Variants in RBFOX1 observed in about 807,000 individuals in gnomAD.
RBFOX1 encodes RNA binding protein fox-1 homolog 1.
A neutral mutation model predicts 57.7 loss-of-function variants in RBFOX1; 8 were observed. That is an observed-to-expected ratio of 0.14 (90% CI 0.08 to 0.25). The LOEUF is 0.25. Ranked by LOEUF, RBFOX1 falls within the 10% of genes least tolerant of loss-of-function variation. The pLI, the probability that RBFOX1 is intolerant of heterozygous loss-of-function variation, is 1.00. For missense variants in RBFOX1, 611 were observed against 548.5 expected, an observed-to-expected ratio of 1.11 and a Z score of -1.14; for synonymous variants, 326 against 222.4, an observed-to-expected ratio of 1.47 and a Z score of -4.15.
intron 3 of RBFOX1, among the ~76,000 whole-genome samples, chr16:6,894,897 G>A (rs2066385034): frequency 6.6e-6 from 1 of 152,046 alleles, no homozygotes; most frequent in African/African-American, 2.4e-5. Flanking sequence ...GTAGCATGTG[G>A]CTTTCTCAGC....
At chr16:6,665,640 G>A (rs7205724) in intron 3 of RBFOX1, among the ~76,000 whole-genome samples, 26,629 of 68,322 alleles carry the variant, frequency 0.39, 3,368 homozygotes, top group African/African-American at 0.55. Context: ...AAAAAAAAAA[G>A]AAGAAGGAGG....
At chr16:6,404,400 T>G (rs561156552) in intron 2 of RBFOX1, among the ~76,000 whole-genome samples, 1 of 152,254 alleles carries the variant, frequency 6.6e-6, no homozygotes, top group Non-Finnish European at 1.5e-5. Context: ...GAGGGACCAC[T>G]GTAGTATTTG....
intron 1 of RBFOX1, among the ~76,000 whole-genome samples, chr16:5,464,416 G>C (rs543833576): frequency 7.2e-5 from 11 of 152,356 alleles, no homozygotes; most frequent in Non-Finnish European, 1.3e-4. Flanking sequence ...AAAGATGTCA[G>C]AGAGGGGACA....
intron 5 of RBFOX1, among the ~76,000 whole-genome samples, chr16:7,556,956 CCT>C (rs1170594128): frequency 6.6e-6 from 1 of 152,126 alleles, no homozygotes; most frequent in African/African-American, 2.4e-5. Flanking sequence ...CTCCCAAATG[CCT>C]CTGTTAACAA....
intron 4 of RBFOX1, among the ~76,000 whole-genome samples, chr16:7,351,614 T>A (rs764147675): frequency 6.6e-6 from 1 of 152,220 alleles, no homozygotes; most frequent in Non-Finnish European, 1.5e-5. Flanking sequence ...TGAGCTCACA[T>A]CCTTTATTGT....
At chr16:5,927,094 A>C (rs1263057308) in intron 4 of RBFOX1, among the ~76,000 whole-genome samples, 1 of 152,198 alleles carries the variant, frequency 6.6e-6, no homozygotes, top group Non-Finnish European at 1.5e-5. Context: ...TCTGTGATTC[A>C]TTTAATGTTT....
chr16:5,461,180 T>C (rs2068776146), intron 1 of RBFOX1, among the ~76,000 whole-genome samples: 1 of 152,170 alleles, frequency 6.6e-6, no homozygotes, highest in African/African-American at 2.4e-5. Flanking sequence ...GTCTTGCTGT[T>C]TGCAAGGTTA....
At chr16:7,245,166 C>G (rs11077163) in intron 4 of RBFOX1, among the ~76,000 whole-genome samples, 4 of 152,028 alleles carry the variant, frequency 2.6e-5, no homozygotes, top group Admixed American at 6.6e-5. Context: ...AGTGGTCTTA[C>G]ATGTCTCTCT....
intron 4 of RBFOX1, among the ~76,000 whole-genome samples, chr16:5,893,272 G>A (rs1307082702): frequency 2.6e-5 from 4 of 152,176 alleles, no homozygotes; most frequent in East Asian, 1.9e-4. Flanking sequence ...AAGTAAATAC[G>A]TGGCAGCCTT....
chr16:5,388,235 G>A lies in RBFOX1; in HGVS notation c.220-78981G>A, dbSNP rs560385071. ...TTGGTAGAGGCAGCCAGGGGTCTCT[G>A]CCTCACCGTGCTTCTAGAACACATC... On this transcript the variant is annotated intron_variant, in intron 1 of 2. Transcript: ENST00000585867. Among the ~76,000 whole-genome samples, 16 of 152,284 alleles carry A rather than the reference G, an allele frequency of 1.1e-4. No individual in the cohort carries two copies. In the East Asian group the frequency reaches 2.3e-3, roughly 22 times the overall value.
intron 3 of RBFOX1, among the ~76,000 whole-genome samples, chr16:6,674,599 G>A (rs1226779343): frequency 1.4e-4 from 21 of 152,144 alleles, no homozygotes; most frequent in Non-Finnish European, 2.9e-5. Flanking sequence ...TGGAATTACA[G>A]GCGTGAGCCA....
chr16:7,116,416 G>T (rs2065912473), intron 4 of RBFOX1, among the ~76,000 whole-genome samples: 1 of 152,080 alleles, frequency 6.6e-6, no homozygotes, highest in South Asian at 2.1e-4. Context: ...CAGCAATATT[G>T]CAGTGAAATG....
intron 4 of RBFOX1, among the ~76,000 whole-genome samples, chr16:7,089,634 C>T (rs377173326): frequency 6.6e-6 from 1 of 152,116 alleles, no homozygotes; most frequent in African/African-American, 2.4e-5. Context: ...TTTGTTAGCT[C>T]TTACATATGT....
At chr16:7,061,074 C>T (rs1327849195) in intron 4 of RBFOX1, among the ~76,000 whole-genome samples, 1 of 151,632 alleles carries the variant, frequency 6.6e-6, no homozygotes, top group South Asian at 2.1e-4. Context: ...AAAAAACTGG[C>T]AGAAGTTTGC....
intron 2 of RBFOX1, among the ~76,000 whole-genome samples, chr16:6,556,765 A>G (rs2097103558): frequency 6.6e-6 from 1 of 152,068 alleles, no homozygotes; most frequent in Non-Finnish European, 1.5e-5. Context: ...AAATAAATTA[A>G]TAGTAAATTT....
chr16:7,424,528 G>A (rs1477131752), intron 4 of RBFOX1, among the ~76,000 whole-genome samples: 4 of 152,112 alleles, frequency 2.6e-5, no homozygotes, highest in African/African-American at 2.4e-5. Context: ...CAAAAGTGCC[G>A]GGATTACAGG....
rs142394986 is a variant in RBFOX1 at position 6,145,243 on chromosome 16, A to C, written c.-127+125251A>C. ...GTTGTTCCCCTCTATGTGTCCATGC[A>C]TTCTCATCATTTAGCTCCCACTTAT... On this transcript the variant is annotated intron_variant, in intron 1 of 15. Coordinates refer to ENST00000550418, the MANE Select transcript of RBFOX1 (RefSeq NM_018723.4). 9.0e-3 allele frequency among the ~76,000 whole-genome samples: 1,371 copies of C among 152,030 alleles called. 13 individuals carry two copies. Among genetic ancestry groups the C allele is most frequent in the Non-Finnish European group, 0.015 (1,028 of 67,982 alleles).
intron 1 of RBFOX1, among the ~76,000 whole-genome samples, chr16:6,181,287 C>G (rs745928411): frequency 6.6e-6 from 1 of 152,224 alleles, no homozygotes; most frequent in Non-Finnish European, 1.5e-5. Context: ...ATAGCCTACT[C>G]TACCCAGGCA....
intron 1 of RBFOX1, among the ~76,000 whole-genome samples, chr16:6,043,713 C>T (rs892351119): frequency 6.6e-6 from 1 of 152,136 alleles, no homozygotes; most frequent in African/African-American, 2.4e-5. Context: ...CTGCTCTTTT[C>T]CCAGGAAGCC....
Sources: gnomAD v4.1 joint callset for allele counts (sites outside exome capture counted in the v4.1 genomes callset) on GRCh38, gnomAD v4.1.1 for gene constraint, MANE v1.5 for transcripts, NCBI Gene and HGNC (gene_info 2026-07-23, HGNC 2026-07-21) for gene names.